NCOA2: variants seen among roughly 807,000 people sequenced by gnomAD.
NCOA2 encodes the protein class E basic helix-loop-helix protein 75.
In NCOA2, 21 loss-of-function variants were observed where a neutral mutation model predicts 145.1. The observed-to-expected ratio is 0.14, with a 90% confidence interval of 0.10 to 0.21. The LOEUF is 0.21. NCOA2 is among the 10% of genes least tolerant of loss of function. The probability of loss-of-function intolerance (pLI) is 1.00; values close to 1 mark genes in which losing one functional copy is unlikely to be tolerated. For missense variants in NCOA2, 1,472 were observed against 1,837.6 expected, an observed-to-expected ratio of 0.80 and a Z score of 3.64; for synonymous variants, 619 against 637.5, an observed-to-expected ratio of 0.97 and a Z score of 0.44.
intron 2 of NCOA2, among the ~76,000 whole-genome samples, chr8:70,246,150 C>T (rs576581733): frequency 6.6e-6 from 1 of 152,148 alleles, no homozygotes; most frequent in East Asian, 1.9e-4. Flanking sequence ...AGCACAGTAC[C>T]TGACACACAG....
chr8:70,221,440 G>C (rs550101093), intron 2 of NCOA2, among the ~76,000 whole-genome samples: 1 of 152,030 alleles, frequency 6.6e-6, no homozygotes, highest in Non-Finnish European at 1.5e-5. Flanking sequence ...CCCTTTATAA[G>C]GATAAAAGCA....
At chr8:70,279,790 C>A (rs1355069437) in intron 2 of NCOA2, among the ~76,000 whole-genome samples, 2 of 152,096 alleles carry the variant, frequency 1.3e-5, no homozygotes, top group Admixed American at 6.5e-5. Context: ...GTTAAAATGA[C>A]ATAAGGCAGA....
chr8:70,334,882 T>C (rs1280298930), intron 1 of NCOA2, among the ~76,000 whole-genome samples: 4 of 152,188 alleles, frequency 2.6e-5, no homozygotes, highest in African/African-American at 4.8e-5. Context: ...CTCAGCACTT[T>C]GGGAGGCCGA....
At chr8:70,376,984 C>G (rs1811731942) in intron 1 of NCOA2, among the ~76,000 whole-genome samples, 1 of 152,052 alleles carries the variant, frequency 6.6e-6, no homozygotes, top group East Asian at 1.9e-4. Context: ...GATCATCAAT[C>G]TAAATTTTGA....
the NCOA2 span, among the ~76,000 whole-genome samples, chr8:70,413,611 T>C: frequency 6.6e-6 from 1 of 152,202 alleles, no homozygotes; most frequent in Non-Finnish European, 1.5e-5. Context: ...TAATATACCC[T>C]TCACTTCTTT....
intron 1 of NCOA2, among the ~76,000 whole-genome samples, chr8:70,319,463 GC>G (rs1805871660): frequency 6.6e-6 from 1 of 151,976 alleles, no homozygotes; most frequent in African/African-American, 2.4e-5. Flanking sequence ...GATCACCTGA[GC>G]CCAGGACGTG....
At chr8:70,423,271 C>A in the NCOA2 span, among the ~76,000 whole-genome samples, 3 of 152,092 alleles carry the variant, frequency 2.0e-5, no homozygotes, top group African/African-American at 7.2e-5. Flanking sequence ...GCAACCTCTG[C>A]CCCCCAGGTT....
At chr8:70,352,261 T>C (rs1324060919) in intron 1 of NCOA2, among the ~76,000 whole-genome samples, 2 of 152,176 alleles carry the variant, frequency 1.3e-5, no homozygotes, top group East Asian at 3.8e-4. Flanking sequence ...ATGTCGTCTT[T>C]TTTAAATGAG....
chr8:70,202,722 T>C (rs1818019687), intron 4 of NCOA2, among the ~76,000 whole-genome samples: 1 of 152,180 alleles, frequency 6.6e-6, no homozygotes, highest in Admixed American at 6.5e-5. Context: ...GAACAGAGTT[T>C]TACTCATGCA....
At chr8:70,324,729 T>C (rs1437708485) in intron 1 of NCOA2, among the ~76,000 whole-genome samples, 1 of 152,194 alleles carries the variant, frequency 6.6e-6, no homozygotes, top group Non-Finnish European at 1.5e-5. Flanking sequence ...AAGATTTTGC[T>C]ATCCTTGGGA....
At chr8:70,192,973 A>T (rs946378643) in intron 4 of NCOA2, among the ~76,000 whole-genome samples, 11 of 150,368 alleles carry the variant, frequency 7.3e-5, no homozygotes, top group Non-Finnish European at 1.6e-4. Context: ...AGGCTGAGGC[A>T]GGAGAATTGC....
chr8:70,313,980 C>G (rs1226032930), intron 1 of NCOA2, among the ~76,000 whole-genome samples: 1 of 151,612 alleles, frequency 6.6e-6, no homozygotes, highest in African/African-American at 2.4e-5. Flanking sequence ...ACCATCCTGG[C>G]TACGGTGAAA....
chr8:70,196,824 A>T (rs181624469), intron 4 of NCOA2, among the ~76,000 whole-genome samples: 45 of 152,362 alleles, frequency 3.0e-4, no homozygotes, highest in Admixed American at 6.5e-4. Flanking sequence ...CAGGTAGGTA[A>T]TGGAATGCGG....
chr8:70,376,815 C>G (rs900127634), intron 1 of NCOA2, among the ~76,000 whole-genome samples: 1 of 152,138 alleles, frequency 6.6e-6, no homozygotes, highest in Non-Finnish European at 1.5e-5. Context: ...AAATCTTACT[C>G]AGGTGTATCT....
chr8:70,318,350 C>A (rs1166707294), intron 1 of NCOA2, among the ~76,000 whole-genome samples: 1 of 152,210 alleles, frequency 6.6e-6, no homozygotes, highest in African/African-American at 2.4e-5. Context: ...CTGTGTACTT[C>A]CTTGTAAAAT....
At chr8:70,456,097 C>T in the NCOA2 span, among the ~76,000 whole-genome samples, 3 of 151,950 alleles carry the variant, frequency 2.0e-5, no homozygotes, top group Non-Finnish European at 4.4e-5. Context: ...AAAAAATGCC[C>T]GCATCTGAAA....
Position 70,113,461 on chromosome 8 carries a change from C to T in NCOA2, c.*171G>A. 1.5e-6 allele frequency: 1 copy of T among 659,968 alleles called. No individual in the cohort carries two copies. The highest frequency in any genetic ancestry group is 1.8e-5 in the South Asian group (1 of 54,414). The allele number at this position is 659,968 out of a possible 1,614,324, so 40.9% of individuals were successfully genotyped here. ...CTGTCAAGAGAAGAGGCAGCTCCTC[C>T]TGCCACAGCCGAGTGGACGCCACCC... On this transcript the variant is annotated 3_prime_UTR_variant, in exon 23 of 23. Coordinates refer to ENST00000452400, the MANE Select transcript of NCOA2 (RefSeq NM_006540.4).
At chr8:70,121,173 T>C in intron 22 of NCOA2, 129 bp downstream of exon 22, 1 of 746,214 alleles carries the variant, frequency 1.3e-6, no homozygotes, top group Admixed American at 2.2e-5. Flanking sequence ...GTATGCCAGA[T>C]GAAACCAGAA....
At chr8:70,346,609 T>C (rs1169519309) in intron 1 of NCOA2, among the ~76,000 whole-genome samples, 1 of 152,192 alleles carries the variant, frequency 6.6e-6, no homozygotes, top group Non-Finnish European at 1.5e-5. Flanking sequence ...GAGTGGATGC[T>C]CAATGAGGCA....
Sources: allele counts gnomAD v4.1 joint callset (sites outside exome capture counted in the v4.1 genomes callset), GRCh38; gene constraint gnomAD v4.1.1; transcripts MANE v1.5; gene names NCBI Gene and HGNC (gene_info 2026-07-23, HGNC 2026-07-21).